SIK3: variants seen among roughly 807,000 people sequenced by gnomAD.
SIK3 encodes the protein SIK family kinase 3, also known as serine/threonine-protein kinase SIK3.
A neutral mutation model predicts 144.2 loss-of-function variants in SIK3; 28 were observed. The observed-to-expected ratio is 0.19, with a 90% CI of 0.14 to 0.27. SIK3 has a LOEUF of 0.27. SIK3 is among the 10% of genes least tolerant of loss of function. The pLI is 1.00. For missense variants in SIK3, 1,319 were observed against 1,776.0 expected, an observed-to-expected ratio of 0.74 and a Z score of 4.62; for synonymous variants, 686 against 676.3, an observed-to-expected ratio of 1.01 and a Z score of -0.22.
At chr11:116,882,922 T>C (rs921334843) in intron 6 of SIK3, among the ~76,000 whole-genome samples, 1 of 152,246 alleles carries the variant, frequency 6.6e-6, no homozygotes, top group Admixed American at 6.5e-5. Flanking sequence ...CAAAAATAAA[T>C]TGGCGATTAA....
At chr11:116,988,965 C>T (rs1565531324) in intron 1 of SIK3, among the ~76,000 whole-genome samples, 1 of 151,618 alleles carries the variant, frequency 6.6e-6, no homozygotes, top group Admixed American at 6.6e-5. Flanking sequence ...AAAAAAAAAC[C>T]CTCAAGTCTC....
intron 14 of SIK3, chr11:116,869,746 G>A (rs113896440): frequency 2.3e-4 from 53 of 231,982 alleles, no homozygotes; most frequent in African/African-American, 1.1e-3. Context: ...GGTCACTGCC[G>A]TTCTCTGTGA....
intron 15 of SIK3, among the ~76,000 whole-genome samples, chr11:116,866,003 G>A (rs1389656519): frequency 1.3e-5 from 2 of 152,122 alleles, no homozygotes; most frequent in African/African-American, 4.8e-5. Context: ...ACACCAAAAA[G>A]GTTCACATGA....
intron 3 of SIK3, among the ~76,000 whole-genome samples, chr11:116,932,918 C>T (rs118138924): frequency 6.6e-6 from 1 of 152,014 alleles, no homozygotes; most frequent in Non-Finnish European, 1.5e-5. Context: ...GCAGCTAGGA[C>T]TACAAGCATC....
chr11:116,982,971 T>TAAG, intron 1 of SIK3, among the ~76,000 whole-genome samples: 1 of 105,552 alleles, frequency 9.5e-6, no homozygotes, highest in South Asian at 2.8e-4. Context: ...AAAAAAAAAT[T>TAAG]TCTGACCCGA....
intron 3 of SIK3, among the ~76,000 whole-genome samples, chr11:116,944,408 G>A (rs1305553130): frequency 7.2e-5 from 11 of 152,144 alleles, no homozygotes; most frequent in African/African-American, 1.4e-4. Flanking sequence ...GTGACTTGAC[G>A]TGTGGGCTTT....
intron 1 of SIK3, among the ~76,000 whole-genome samples, chr11:116,961,163 C>G (rs1431138614): frequency 6.6e-6 from 1 of 152,236 alleles, no homozygotes. Flanking sequence ...CACTGGTCTA[C>G]TTCTTCACAG....
chr11:117,072,381 G>A (rs567523584), intron 1 of SIK3, among the ~76,000 whole-genome samples: 61 of 151,790 alleles, frequency 4.0e-4, no homozygotes, highest in African/African-American at 1.4e-3. Context: ...GCAAAACTCC[G>A]TCTCAAAAAA....
chr11:116,927,442 G>C, intron 3 of SIK3, 62 bp from the exon 4 acceptor site: 1 of 1,539,478 alleles, frequency 6.5e-7, no homozygotes, highest in Non-Finnish European at 8.9e-7. Flanking sequence ...TCAAAAGGTA[G>C]ACTTAAGGAG....
chr11:116,982,496 G>A (rs2135518548), intron 1 of SIK3, among the ~76,000 whole-genome samples: 1 of 152,036 alleles, frequency 6.6e-6, no homozygotes, highest in South Asian at 2.1e-4. Flanking sequence ...CACCATGTTG[G>A]CCAGGCTGGT....
chr11:117,036,473 T>A (rs1037820577), intron 1 of SIK3, among the ~76,000 whole-genome samples: 1 of 152,112 alleles, frequency 6.6e-6, no homozygotes, highest in African/African-American at 2.4e-5. Flanking sequence ...TGGGAAATAT[T>A]TCAGGAAATA....
chr11:116,949,018 A>G (rs1478471662), intron 3 of SIK3, among the ~76,000 whole-genome samples: 2 of 152,214 alleles, frequency 1.3e-5, no homozygotes, highest in Non-Finnish European at 2.9e-5. Flanking sequence ...TAATGAAACA[A>G]GACATCAAAA....
chr11:117,087,814 A>C (rs570463908), intron 1 of SIK3, among the ~76,000 whole-genome samples: 1 of 152,358 alleles, frequency 6.6e-6, no homozygotes, highest in Non-Finnish European at 1.5e-5. Context: ...CGGAGCAAAA[A>C]ATCAGAAGTA....
At chr11:117,081,570 G>A (rs1289375673) in intron 1 of SIK3, among the ~76,000 whole-genome samples, 1 of 152,196 alleles carries the variant, frequency 6.6e-6, no homozygotes, top group Non-Finnish European at 1.5e-5. Context: ...CTTGCAGTGA[G>A]CCGAGATGGC....
chr11:116,873,292 T>A (rs1043406128), intron 13 of SIK3, among the ~76,000 whole-genome samples, 189 bp downstream of exon 13: 1 of 152,182 alleles, frequency 6.6e-6, no homozygotes, highest in African/African-American at 2.4e-5. Context: ...CTTGGCTAAG[T>A]AAGTAAGTTC....
At chr11:116,979,698 C>T (rs1262358503) in intron 1 of SIK3, among the ~76,000 whole-genome samples, 8 of 151,988 alleles carry the variant, frequency 5.3e-5, no homozygotes, top group Non-Finnish European at 1.2e-4. Context: ...AATACAAAAA[C>T]TAGCCAGGCG....
rs71037444 is a variant in SIK3 at position 117,021,928 on chromosome 11, C to CAAAAAAAAAAAAAAAAAAAAAAAAAAAAA, written c.274-64893_274-64865dup. 1.9e-4 allele frequency among the ~76,000 whole-genome samples: 11 copies of CAAAAAAAAAAAAAAAAAAAAAAAAAAAAA among 59,000 alleles called. 1 individual carries two copies. The highest frequency in any genetic ancestry group is 1.3e-3 in the East Asian group (2 of 1,512). 38.7% of individuals were successfully genotyped at this position (59,000 alleles called of 152,430 possible). ...ATAGCACAGTGAGCCTCTGTCTCTA[C>CAAAAAAAAAAAAAAAAAAAAAAAAAAAAA]AAAAAAAAAAAAAAAAAAAAAAAAA... is the stretch of plus-strand genomic sequence containing the variant. On this transcript the variant is annotated intron_variant, in intron 1 of 24. Coordinates refer to ENST00000445177, the MANE Select transcript of SIK3 (RefSeq NM_001366686.3).
chr11:117,037,001 A>T (rs1230350988), intron 1 of SIK3, among the ~76,000 whole-genome samples: 1 of 152,174 alleles, frequency 6.6e-6, no homozygotes, highest in Non-Finnish European at 1.5e-5. Context: ...CTGCCCCCAT[A>T]CCTAACTACT....
intron 1 of SIK3, among the ~76,000 whole-genome samples, chr11:117,062,499 C>A (rs1953839623): frequency 1.3e-5 from 2 of 152,148 alleles, no homozygotes; most frequent in African/African-American, 4.8e-5. Context: ...CAACATAACA[C>A]CAAATATCGG....
Sources: allele counts gnomAD v4.1 joint callset (sites outside exome capture counted in the v4.1 genomes callset), GRCh38; gene constraint gnomAD v4.1.1; transcripts MANE v1.5; gene names NCBI Gene and HGNC (gene_info 2026-07-23, HGNC 2026-07-21).